LNP1: variants seen among roughly 807,000 people sequenced by gnomAD.
LNP1 encodes the protein leukemia NUP98 fusion partner 1.
Under a neutral mutation model 14.5 loss-of-function variants are expected in LNP1, and 12 were observed. The observed-to-expected ratio is 0.83, with a 90% confidence interval of 0.53 to 1.34. The LOEUF (loss-of-function observed/expected upper bound fraction) is 1.34. Among genes scored for constraint, LNP1 ranks in the 40% most tolerant of loss-of-function variants. LNP1 has a pLI of 0.00. For synonymous variants in LNP1, 75 were observed against 71.4 expected, an observed-to-expected ratio of 1.05 and a Z score of -0.26; for missense variants, 198 against 210.9, an observed-to-expected ratio of 0.94 and a Z score of 0.38.
At chr3:100,427,955 G>A (rs1232570734) in intron 1 of LNP1, among the ~76,000 whole-genome samples, 1 of 152,184 alleles carries the variant, frequency 6.6e-6, no homozygotes, top group South Asian at 2.1e-4. Context: ...GTAAACATTG[G>A]TCATAGTTAT....
chr3:100,451,671 A>AATTTATAAT (rs2148908630), intron 2 of LNP1, 48 bp from the exon 3 acceptor site: 1 of 620,742 alleles, frequency 1.6e-6, no homozygotes, highest in East Asian at 8.6e-5. Context: ...CTGTGCTAAC[A>AATTTATAAT]TTGCACAGTC....
Position 100,429,793 on chromosome 3 carries a change from G to T in LNP1, c.64G>T (p.Gly22Cys). 6.2e-7 allele frequency: 1 copy of T among 1,613,926 alleles called. No homozygotes were observed. The highest frequency in any genetic ancestry group is 8.5e-7 in the Non-Finnish European group (1 of 1,179,928). ...SFAKWMSSFW[G>C]HSWREEDQRG... ...TGCCAAATGGATGAGCAGCTTCTGG[G>T]GCCACAGCTGGAGAGAGGAGGATCA... is the stretch of plus-strand genomic sequence containing the variant. Residue 22 changes from glycine (G) to cysteine (C), a missense_variant, in exon 2 of 4, where the codon GGC (glycine) becomes TGC (cysteine). By Grantham distance (159) the Gly-to-Cys change is radical. Coordinates refer to ENST00000383693, the MANE Select transcript of LNP1 (RefSeq NM_001085451.2).
intron 3 of LNP1, among the ~76,000 whole-genome samples, chr3:100,452,803 T>C (rs1207216331): frequency 6.6e-6 from 1 of 152,128 alleles, no homozygotes; most frequent in African/African-American, 2.4e-5. Flanking sequence ...GGGGGAAGAA[T>C]AGAATCTCCA....
chr3:100,446,614 C>T (rs1707390857), intron 2 of LNP1, among the ~76,000 whole-genome samples: 1 of 152,136 alleles, frequency 6.6e-6, no homozygotes, highest in African/African-American at 2.4e-5. Flanking sequence ...TCTAATTAAA[C>T]TAAAGAGCTT....
chr3:100,428,892 G>C (rs1027936314), intron 1 of LNP1, among the ~76,000 whole-genome samples: 1 of 152,180 alleles, frequency 6.6e-6, no homozygotes, highest in Non-Finnish European at 1.5e-5. Context: ...TTGAAAGTAA[G>C]TTCAAAAACA....
At chr3:100,434,848 T>TA (rs58181185) in intron 2 of LNP1, among the ~76,000 whole-genome samples, 109 of 142,196 alleles carry the variant, frequency 7.7e-4, no homozygotes, top group East Asian at 3.4e-3. Flanking sequence ...TTTTTTTTTT[T>TA]AATTAAATTA....
intron 1 of LNP1, among the ~76,000 whole-genome samples, chr3:100,408,528 G>A (rs1356648427): frequency 6.6e-6 from 1 of 152,240 alleles, no homozygotes; most frequent in African/African-American, 2.4e-5. Flanking sequence ...CCTGCCTGTT[G>A]CTGTGGGTTA....
chr3:100,412,854 A>G (rs1275691280), intron 1 of LNP1, among the ~76,000 whole-genome samples: 1 of 152,168 alleles, frequency 6.6e-6, no homozygotes, highest in Non-Finnish European at 1.5e-5. Flanking sequence ...GTACTCCTGT[A>G]TCTGTAAGAG....
intron 2 of LNP1, among the ~76,000 whole-genome samples, chr3:100,441,709 C>T (rs1182726229): frequency 6.6e-6 from 1 of 151,922 alleles, no homozygotes; most frequent in Admixed American, 6.6e-5. Flanking sequence ...GTTGCCCAGG[C>T]TGGAGCGCAG....
At position 100,406,065 on chromosome 3, in the gene LNP1, C is replaced by T. The variant is rs144349801; in HGVS notation, c.-34+3626C>T. On this transcript the variant is annotated intron_variant, in intron 1 of 3. Coordinates refer to ENST00000383693, the MANE Select transcript of LNP1 (RefSeq NM_001085451.2). ...CTTTGGGAGGCCGAAGCGGGTGGATCACCTGAGGTCAGGAGTTCAAGATCA... is the reference window on the plus strand; with the variant it reads ...CTTTGGGAGGCCGAAGCGGGTGGATTACCTGAGGTCAGGAGTTCAAGATCA... 3.0e-3 allele frequency among the ~76,000 whole-genome samples: 454 copies of T among 152,252 alleles called. 10 individuals are homozygous for T. The East Asian group carries it at 0.053, about 18-fold the overall frequency.
chr3:100,431,872 A>G (rs1273447445), intron 2 of LNP1, among the ~76,000 whole-genome samples: 1 of 147,924 alleles, frequency 6.8e-6, no homozygotes, highest in African/African-American at 2.5e-5. Context: ...TGGTGCTTCC[A>G]TAGTCCCAGC....
intron 2 of LNP1, among the ~76,000 whole-genome samples, chr3:100,437,328 G>A (rs897231794): frequency 4.6e-5 from 7 of 152,120 alleles, no homozygotes; most frequent in African/African-American, 9.7e-5. Flanking sequence ...GGTGTGAAGC[G>A]TTATAAGCTC....
chr3:100,421,311 A>T (rs1339216685), intron 1 of LNP1, among the ~76,000 whole-genome samples: 1 of 152,190 alleles, frequency 6.6e-6, no homozygotes, highest in Non-Finnish European at 1.5e-5. Flanking sequence ...TCTGTATTCT[A>T]TTCAGGTCCA....
At position 100,451,559 on chromosome 3, in the gene LNP1, C is replaced by T. The variant is rs1011465531; in HGVS notation, c.157-160C>T. On this transcript the variant is annotated intron_variant, in intron 2 of 3. Coordinates refer to ENST00000383693, the MANE Select transcript of LNP1 (RefSeq NM_001085451.2). ...TTCCCAGCTTGACTTTTCCCTTTAGCTTAGTGATTTGGGGGCCTCAAGTTT... is the reference window on the plus strand; with the variant it reads ...TTCCCAGCTTGACTTTTCCCTTTAGTTTAGTGATTTGGGGGCCTCAAGTTT... 48 of 589,880 alleles carry T rather than the reference C, an allele frequency of 8.1e-5. No homozygotes were observed. In the Admixed American group the frequency reaches 1.2e-3, roughly 15 times the overall value. 36.5% of individuals were successfully genotyped at this position (589,880 alleles called of 1,614,324 possible).
At chr3:100,413,384 G>C (rs1239172001) in intron 1 of LNP1, among the ~76,000 whole-genome samples, 1 of 152,194 alleles carries the variant, frequency 6.6e-6, no homozygotes, top group African/African-American at 2.4e-5. Flanking sequence ...ATTCAATCAA[G>C]TGGTTGCCCT....
At chr3:100,434,563 C>G (rs958380537) in intron 2 of LNP1, among the ~76,000 whole-genome samples, 1 of 149,990 alleles carries the variant, frequency 6.7e-6, no homozygotes, top group Non-Finnish European at 1.5e-5. Context: ...AAGTCTCATT[C>G]TATTGCCCAG....
chr3:100,426,698 T>G (rs1707196183), intron 1 of LNP1, among the ~76,000 whole-genome samples: 1 of 152,294 alleles, frequency 6.6e-6, no homozygotes, highest in South Asian at 2.1e-4. Context: ...CCTTTTCCCA[T>G]AGGCTCCAAC....
At chr3:100,450,592 C>T (rs1372043349) in intron 2 of LNP1, among the ~76,000 whole-genome samples, 4 of 152,132 alleles carry the variant, frequency 2.6e-5, no homozygotes, top group Admixed American at 2.0e-4. Flanking sequence ...CCGCCTTGTC[C>T]TCCCAAAGTG....
At chr3:100,433,235 G>T (rs149810927) in intron 2 of LNP1, among the ~76,000 whole-genome samples, 103 of 152,162 alleles carry the variant, frequency 6.8e-4, no homozygotes, top group Non-Finnish European at 1.1e-3. Flanking sequence ...CCCTCTGATA[G>T]GCCCCAGTGT....
Sources: allele counts gnomAD v4.1 joint callset (sites outside exome capture counted in the v4.1 genomes callset), GRCh38; gene constraint gnomAD v4.1.1; transcripts MANE v1.5; gene names NCBI Gene and HGNC (gene_info 2026-07-23, HGNC 2026-07-21).